Variants in ZNF71 observed in about 807,000 individuals in gnomAD.
ZNF71 encodes endothelial zinc finger protein induced by tumor necrosis factor alpha.
ZNF71 carries 3 observed loss-of-function variants against 6.7 expected under a neutral mutation model. The ratio of observed to expected loss-of-function variants is 0.45; its 90% CI spans 0.20 to 1.16. The LOEUF is 1.16. Among genes scored for constraint, ZNF71 ranks in the 50% most tolerant of loss-of-function variants. ZNF71 has a pLI of 0.25. For missense variants in ZNF71, 688 were observed against 728.6 expected, an observed-to-expected ratio of 0.94 and a Z score of 0.64; for synonymous variants, 343 against 311.1, an observed-to-expected ratio of 1.10 and a Z score of -1.08.
intron 2 of ZNF71, among the ~76,000 whole-genome samples, chr19:56,605,004 C>T (rs2044698925): frequency 6.6e-6 from 1 of 152,224 alleles, no homozygotes. Context: ...ATCAAAGGGT[C>T]AGCCACCACT....
At chr19:56,615,679 T>C (rs2044785745) in intron 3 of ZNF71, among the ~76,000 whole-genome samples, 1 of 152,170 alleles carries the variant, frequency 6.6e-6, no homozygotes, top group Admixed American at 6.5e-5. Flanking sequence ...CTATGTATTC[T>C]TGATACAAGA....
chr19:56,619,393 G>C (rs1029288943), intron 3 of ZNF71, among the ~76,000 whole-genome samples: 4 of 152,186 alleles, frequency 2.6e-5, no homozygotes, highest in Admixed American at 1.3e-4. Context: ...TACCGCAGAT[G>C]AGTGGAATCA....
chr19:56,622,607 C>T lies in ZNF71; in HGVS notation c.1500C>T (p.Cys500=). 6.2e-7 allele frequency: 1 copy of T among 1,613,702 alleles called. No individual in the cohort carries two copies. Among genetic ancestry groups the T allele is most frequent in the Non-Finnish European group, 8.5e-7 (1 of 1,179,652 alleles). The change falls in exon 4 of 4, where the codon TGC becomes TGT. Residue 500 remains cysteine (C), a synonymous_variant. Coordinates refer to ENST00000599599, the MANE Select transcript of ZNF71 (RefSeq NM_001370215.1). The part of the protein sequence containing the change: ...RIHTGEKPYR[C]GQCGKSFIKN... ...ACACCGGCGAGAAGCCGTACAGGTG[C>T]GGCCAGTGCGGGAAGTCCTTCATCA...
rs746022630 is a variant in ZNF71, at chr19:56,621,549, C to T, written c.442C>T (p.Leu148=). ...LKAFANQGCV[L]VPPRLDDPTE... ...GGCATTTGCCAACCAAGGCTGTGTC[C>T]TGGTCCCACCACGGCTGGACGACCC... The change falls in exon 4 of 4, where the codon CTG becomes TTG. Residue 148 remains leucine, a synonymous_variant. Coordinates refer to ENST00000599599, the MANE Select transcript of ZNF71 (RefSeq NM_001370215.1). 4 of 1,614,248 alleles carry T rather than the reference C, an allele frequency of 2.5e-6. No individual in the cohort carries two copies. In the South Asian group the frequency reaches 4.4e-5, roughly 18 times the overall value.
At position 56,613,784 on chromosome 19, in the gene ZNF71, A is replaced by G; in HGVS notation, c.34-28A>G. On this transcript the variant is annotated intron_variant, in intron 2 of 3. Transcript: ENST00000599599. The surrounding 1 kb of genome is among the most constrained non-coding windows in gnomAD (Gnocchi z 4.6). ...ACGCCTCTGTAAGGAGGGCCCTGCGATGAGCGGATGTGGGTTTCCTCTTAC... is the reference window on the plus strand; with the variant it reads ...ACGCCTCTGTAAGGAGGGCCCTGCGGTGAGCGGATGTGGGTTTCCTCTTAC... 1 of 1,082,744 alleles carries G rather than the reference A, an allele frequency of 9.2e-7. No homozygotes were observed. The highest frequency in any genetic ancestry group is 1.1e-6 in the Non-Finnish European group (1 of 874,088). The allele number at this position is 1,082,744 out of a possible 1,614,324, so 67.1% of individuals were successfully genotyped here. A position where few individuals can be genotyped will look rare whatever the true frequency, so the allele number is the denominator to read the frequency against.
At chr19:56,600,641 CAA>C (rs2044663776) in intron 1 of ZNF71, among the ~76,000 whole-genome samples, 1 of 152,094 alleles carries the variant, frequency 6.6e-6, no homozygotes, top group Non-Finnish European at 1.5e-5. Flanking sequence ...TGAGAACTTG[CAA>C]AGTTTGTCTT....
Position 56,623,045 on chromosome 19 carries a change from T to C in ZNF71, c.*288T>C, listed in dbSNP as rs111663976. On this transcript the variant is annotated 3_prime_UTR_variant, in exon 4 of 4. Coordinates refer to ENST00000599599, the MANE Select transcript of ZNF71 (RefSeq NM_001370215.1). ...ACATCAGGGTTCCAGACTAGCCCTC[T>C]TGAGTAACTGTCCTAGAGCTGGGAC... The C allele has an allele frequency of 2.1e-3, 1,031 of 481,780 alleles. 12 individuals are homozygous for C. The highest frequency in any genetic ancestry group is 0.017 in the African/African-American group (905 of 51,868). 29.8% of individuals were successfully genotyped at this position (481,780 alleles called of 1,614,324 possible). A position where few individuals can be genotyped will look rare whatever the true frequency, so the allele number is the denominator to read the frequency against.
intron 3 of ZNF71, among the ~76,000 whole-genome samples, chr19:56,620,152 G>A (rs940350320): frequency 6.6e-6 from 1 of 152,216 alleles, no homozygotes; most frequent in Non-Finnish European, 1.5e-5. Context: ...TGAACACTTA[G>A]TGCTGAGGCT....
At chr19:56,595,847 G>GTGTT (rs1555774525) in intron 1 of ZNF71, among the ~76,000 whole-genome samples, 93 of 121,790 alleles carry the variant, frequency 7.6e-4, no homozygotes, top group Non-Finnish European at 1.4e-3. Context: ...GATTGTGTGT[G>GTGTT]TGTGTTTGTG....
chr19:56,621,518 A>G lies in ZNF71; in HGVS notation c.411A>G (p.Glu137=). The G allele has an allele frequency of 6.2e-7, 1 of 1,614,126 alleles. No individual in the cohort carries two copies. Among genetic ancestry groups the G allele is most frequent in the Non-Finnish European group, 8.5e-7 (1 of 1,180,016 alleles). ...GGGGCTCAGTACCCGCATGTCATGA[A>G]CTGAAGGCATTTGCCAACCAAGGCT... ...LLGGSVPACH[E]LKAFANQGCV... Residue 137 remains glutamate (E), a synonymous_variant, in exon 4 of 4, where the codon GAA becomes GAG. Transcript: ENST00000599599.
chr19:56,607,494 ACAC>A (rs2044718925), intron 2 of ZNF71, among the ~76,000 whole-genome samples: 1 of 152,208 alleles, frequency 6.6e-6, no homozygotes, highest in South Asian at 2.1e-4. Flanking sequence ...GCCCAGGCAG[ACAC>A]AACTTCACAA....
chr19:56,622,617 G>C lies in ZNF71; in HGVS notation c.1510G>C (p.Gly504Arg). ...GEKPYRCGQC[G>R]KSFIKNSSLT... Reference sequence around the variant, plus strand: ...GAAGCCGTACAGGTGCGGCCAGTGCGGGAAGTCCTTCATCAAGAACTCCTC... The same window carrying C: ...GAAGCCGTACAGGTGCGGCCAGTGCCGGAAGTCCTTCATCAAGAACTCCTC... Residue 504 changes from glycine to arginine, a missense_variant, in exon 4 of 4, where the codon GGG becomes CGG. Coordinates refer to ENST00000599599, the MANE Select transcript of ZNF71 (RefSeq NM_001370215.1). The C allele has an allele frequency of 6.2e-7, 1 of 1,613,642 alleles. No individual in the cohort carries two copies.
chr19:56,612,215 A>T lies in ZNF71; in HGVS notation c.34-1597A>T, dbSNP rs1325061355. Among the ~76,000 whole-genome samples, 4 of 152,220 alleles carry T rather than the reference A, an allele frequency of 2.6e-5. No homozygotes were observed. The East Asian group carries it at 7.7e-4, about 29-fold the overall frequency. On this transcript the variant is annotated intron_variant, in intron 2 of 3. Transcript: ENST00000599599. The stretch of plus-strand genomic sequence containing the variant: ...ACTTGGTGTCAACGCAAAGGAAAAT[A>T]AGTATTTATATCAAAAAGACACCTG...
rs537289824 is a variant in ZNF71 at position 56,613,336 on chromosome 19, C to T, written c.34-476C>T. On this transcript the variant is annotated intron_variant, in intron 2 of 3. Transcript: ENST00000599599. This position sits in a 1 kb window ranked among gnomAD's most constrained non-coding sequence, Gnocchi z 4.6. ...TTGTTCATACCTTCATGATTGATTG[C>T]GTTTACCAAATTACGTGTCTTTGTC... is the stretch of plus-strand genomic sequence containing the variant. 1.3e-5 allele frequency among the ~76,000 whole-genome samples: 2 copies of T among 152,330 alleles called. No homozygotes were observed. Among genetic ancestry groups the T allele is most frequent in the South Asian group, 2.1e-4 (1 of 4,824 alleles).
In ZNF71 at chr19:56,620,294, G is replaced by A. The variant is rs558889579; in HGVS notation, c.161-974G>A. 2.0e-5 allele frequency among the ~76,000 whole-genome samples: 3 copies of A among 152,276 alleles called. No individual in the cohort carries two copies. In the East Asian group the frequency reaches 5.8e-4, roughly 29 times the overall value. On this transcript the variant is annotated intron_variant, in intron 3 of 3. Transcript: ENST00000599599. ...ACCCTGGGGCAGCCATACCAGAGAA[G>A]TGGCAAAGGGGCAGGAGAAATGCCC... is the stretch of plus-strand genomic sequence containing the variant.
chr19:56,613,894 A>G lies in ZNF71; in HGVS notation c.116A>G (p.Tyr39Cys). ...CTGGAGCCTGCCCAGAAGGACCTGT[A>G]CAGGGATGTCATGCTGGAGAACTAC... ...QQLEPAQKDL[Y>C]RDVMLENYRN... Residue 39 changes from tyrosine to cysteine, a missense_variant, in exon 3 of 4, where the codon TAC becomes TGC. Tyr to Cys is a radical substitution (Grantham distance 194). Coordinates refer to ENST00000599599, the MANE Select transcript of ZNF71 (RefSeq NM_001370215.1). This position sits in a 1 kb window ranked among gnomAD's most constrained non-coding sequence, Gnocchi z 4.6. 9.1e-7 allele frequency: 1 copy of G among 1,095,312 alleles called. No individual in the cohort carries two copies. Among genetic ancestry groups the G allele is most frequent in the Non-Finnish European group, 1.1e-6 (1 of 883,032 alleles). 67.8% of individuals were successfully genotyped at this position (1,095,312 alleles called of 1,614,324 possible).
intron 2 of ZNF71, among the ~76,000 whole-genome samples, chr19:56,612,725 T>C (rs1206093106): frequency 6.6e-6 from 1 of 152,226 alleles, no homozygotes; most frequent in Non-Finnish European, 1.5e-5. Flanking sequence ...ACTTTACCAC[T>C]GTACATTTCA....
Position 56,610,482 on chromosome 19 carries a change from C to T in ZNF71, c.34-3330C>T, listed in dbSNP as rs147618368. Reference sequence around the variant, plus strand: ...TTTTTTGTTATGGCTGTGTGTATTCCACTGTGGTGGATTCACTGACCTGAT... The same window carrying T: ...TTTTTTGTTATGGCTGTGTGTATTCTACTGTGGTGGATTCACTGACCTGAT... On this transcript the variant is annotated intron_variant, in intron 2 of 3. Transcript: ENST00000599599. 33 of 152,214 alleles carry T rather than the reference C, an allele frequency of 2.2e-4. No individual in the cohort carries two copies. In the East Asian group the frequency reaches 5.4e-3, roughly 25 times the overall value. The allele number at this position is 152,214 out of a possible 1,614,324, so 9.4% of individuals were successfully genotyped here.
intron 2 of ZNF71, among the ~76,000 whole-genome samples, chr19:56,609,780 G>A (rs1157315022): frequency 6.8e-6 from 1 of 148,054 alleles, no homozygotes; most frequent in Non-Finnish European, 1.5e-5. Flanking sequence ...ATACGATATG[G>A]ATTTTGCCTG....
Sources: allele counts gnomAD v4.1 joint callset (sites outside exome capture counted in the v4.1 genomes callset), GRCh38; gene constraint gnomAD v4.1.1; non-coding constraint Gnocchi (gnomAD v3.1); transcripts MANE v1.5; gene names NCBI Gene and HGNC (gene_info 2026-07-23, HGNC 2026-07-21).